Variants in STPG2 observed in about 807,000 individuals in gnomAD.
STPG2 encodes sperm-tail PG-rich repeat-containing protein 2.
STPG2 carries 56 observed loss-of-function variants against 54.2 expected under a neutral mutation model. The observed-to-expected ratio is 1.03, with a 90% CI of 0.83 to 1.29. The LOEUF (loss-of-function observed/expected upper bound fraction) is 1.29. Ranked by LOEUF, STPG2 falls within the 50% of genes most tolerant of loss-of-function variation. The probability of loss-of-function intolerance (pLI) is 0.00; values close to 1 mark genes in which losing one functional copy is unlikely to be tolerated. For missense variants in STPG2, 596 were observed against 544.9 expected, an observed-to-expected ratio of 1.09 and a Z score of -0.93; for synonymous variants, 200 against 181.8, an observed-to-expected ratio of 1.10 and a Z score of -0.81.
intron 7 of STPG2, among the ~76,000 whole-genome samples, chr4:97,955,949 A>G (rs896734206): frequency 2.0e-5 from 3 of 152,226 alleles, no homozygotes; most frequent in African/African-American, 7.2e-5. Context: ...ATTCAGCAGC[A>G]GACCTGGACC....
chr4:97,628,768 G>A (rs1012214183), intron 10 of STPG2, among the ~76,000 whole-genome samples: 1 of 151,998 alleles, frequency 6.6e-6, no homozygotes, highest in Admixed American at 6.6e-5. Flanking sequence ...CTAAGTACCA[G>A]AGTTAAACTG....
At chr4:97,675,045 C>T (rs1158336498) in intron 10 of STPG2, among the ~76,000 whole-genome samples, 4 of 151,834 alleles carry the variant, frequency 2.6e-5, no homozygotes, top group South Asian at 2.1e-4. Context: ...CTCTTGTTGC[C>T]CAGGCTGGAG....
At chr4:98,086,737 TG>T (rs1738529061) in intron 5 of STPG2, among the ~76,000 whole-genome samples, 2 of 150,986 alleles carry the variant, frequency 1.3e-5, no homozygotes, top group African/African-American at 4.9e-5. Flanking sequence ...ATTGTCCTGA[TG>T]ATATTGCCAC....
At chr4:97,576,788 A>G (rs974769740) in intron 10 of STPG2, among the ~76,000 whole-genome samples, 1 of 152,102 alleles carries the variant, frequency 6.6e-6, no homozygotes, top group Admixed American at 6.6e-5. Flanking sequence ...AGTAAAACAG[A>G]CTATCAACAT....
At chr4:97,444,130 G>T (rs1246080914) in intron 4 of STPG2, among the ~76,000 whole-genome samples, 1 of 151,978 alleles carries the variant, frequency 6.6e-6, no homozygotes, top group Non-Finnish European at 1.5e-5. Flanking sequence ...AAAGAAAAGA[G>T]AATCTATAAT....
chr4:97,971,601 G>T (rs1321176512), intron 7 of STPG2, among the ~76,000 whole-genome samples: 1 of 152,048 alleles, frequency 6.6e-6, no homozygotes, highest in African/African-American at 2.4e-5. Flanking sequence ...TAAACAATGA[G>T]AACACTTGGA....
chr4:97,538,816 G>C (rs1357596898), intron 4 of STPG2, among the ~76,000 whole-genome samples: 1 of 152,162 alleles, frequency 6.6e-6, no homozygotes, highest in Non-Finnish European at 1.5e-5. Flanking sequence ...CCCACAAAGG[G>C]AAGCACATCA....
intron 8 of STPG2, among the ~76,000 whole-genome samples, chr4:97,892,571 A>T (rs1730814840): frequency 1.3e-5 from 2 of 152,182 alleles, no homozygotes; most frequent in African/African-American, 4.8e-5. Context: ...GACTTCTCCT[A>T]GGTCCCACAT....
At chr4:97,717,226 CAT>C (rs1156920364) in intron 9 of STPG2, among the ~76,000 whole-genome samples, 1 of 152,072 alleles carries the variant, frequency 6.6e-6, no homozygotes, top group African/African-American at 2.4e-5. Flanking sequence ...ACAAAATGTC[CAT>C]GTTTATTTTT....
intron 5 of STPG2, among the ~76,000 whole-genome samples, chr4:98,102,398 A>G (rs979245231): frequency 6.6e-6 from 1 of 152,234 alleles, no homozygotes; most frequent in African/African-American, 2.4e-5. Flanking sequence ...GCAGTTGAGT[A>G]GCTGTGGAAG....
intron 9 of STPG2, among the ~76,000 whole-genome samples, chr4:97,778,638 A>C (rs1056894501): frequency 7.2e-5 from 11 of 152,178 alleles, no homozygotes; most frequent in African/African-American, 2.2e-4. Context: ...TGCCTCCCCA[A>C]GTGGGTCCCT....
chr4:98,111,617 G>A (rs990930268), intron 3 of STPG2, among the ~76,000 whole-genome samples: 4 of 152,058 alleles, frequency 2.6e-5, no homozygotes, highest in Non-Finnish European at 4.4e-5. Flanking sequence ...TGCCTGGCCT[G>A]AAAAAATTAA....
intron 8 of STPG2, among the ~76,000 whole-genome samples, chr4:97,876,075 A>G (rs1165276912): frequency 6.6e-6 from 1 of 152,050 alleles, no homozygotes; most frequent in African/African-American, 2.4e-5. Flanking sequence ...CTGTGGCAAG[A>G]CATCAGAATA....
intron 7 of STPG2, among the ~76,000 whole-genome samples, chr4:97,966,898 C>T (rs999492260): frequency 2.0e-5 from 3 of 152,272 alleles, no homozygotes; most frequent in Admixed American, 2.0e-4. Context: ...CCAGACACTG[C>T]AATAACATGC....
At chr4:97,613,972 A>G (rs1158653830) in intron 10 of STPG2, among the ~76,000 whole-genome samples, 1 of 152,090 alleles carries the variant, frequency 6.6e-6, no homozygotes, top group Non-Finnish European at 1.5e-5. Flanking sequence ...ATCTACAGCT[A>G]CAACTAATAA....
chr4:97,644,357 G>A (rs965387435), intron 10 of STPG2, among the ~76,000 whole-genome samples: 5 of 152,016 alleles, frequency 3.3e-5, no homozygotes, highest in African/African-American at 1.2e-4. Context: ...GAGAAAATAA[G>A]TCTTCTGTCT....
chr4:97,914,397 G>A (rs911635438), intron 8 of STPG2, among the ~76,000 whole-genome samples: 1 of 152,030 alleles, frequency 6.6e-6, no homozygotes, highest in Non-Finnish European at 1.5e-5. Flanking sequence ...TAAAATACTA[G>A]GTCATGAAAA....
intron 10 of STPG2, among the ~76,000 whole-genome samples, chr4:97,698,864 A>G (rs1344031006): frequency 1.3e-5 from 2 of 152,192 alleles, no homozygotes; most frequent in African/African-American, 4.8e-5. Flanking sequence ...TTCCATGAAC[A>G]TGAGCCCACT....
chr4:98,094,798 G>A (rs2110129853), intron 5 of STPG2, among the ~76,000 whole-genome samples: 1 of 152,260 alleles, frequency 6.6e-6, no homozygotes, highest in East Asian at 1.9e-4. Flanking sequence ...AGGTCAAGAA[G>A]GACTTCATAT....
Sources: allele counts gnomAD v4.1 joint callset (sites outside exome capture counted in the v4.1 genomes callset), GRCh38; gene constraint gnomAD v4.1.1; transcripts MANE v1.5; gene names NCBI Gene and HGNC (gene_info 2026-07-23, HGNC 2026-07-21).